ZZEF1: variants seen among roughly 807,000 people sequenced by gnomAD.
The protein encoded by ZZEF1 is zinc finger ZZ-type and EF-hand domain containing 1, also known as zinc finger ZZ-type and EF-hand domain-containing protein 1.
Under a neutral mutation model 342.8 loss-of-function variants are expected in ZZEF1, and 157 were observed. The ratio of observed to expected loss-of-function variants is 0.46; its 90% CI spans 0.40 to 0.52. The LOEUF is 0.52. Ranked by LOEUF, ZZEF1 falls within the 20% of genes least tolerant of loss-of-function variation. The pLI is 0.00. For synonymous variants in ZZEF1, 1,505 were observed against 1,429.1 expected (o/e 1.05, Z -1.20); for missense variants, 3,480 against 3,725.6 (o/e 0.93, Z 1.72).
chr17:4,082,349 G>T, intron 17 of ZZEF1, 88 bp downstream of exon 17: 2 of 1,291,740 alleles, frequency 1.5e-6, no homozygotes, highest in South Asian at 1.3e-5. Context: ...GTACTACTTC[G>T]AAGGCACATG....
At chr17:4,134,795 G>C (rs2145604959) in intron 1 of ZZEF1, among the ~76,000 whole-genome samples, 1 of 152,254 alleles carries the variant, frequency 6.6e-6, no homozygotes. Flanking sequence ...GGGATGAGAA[G>C]TCCGAGACAG....
chr17:4,007,162 T>C (rs1455243920), intron 54 of ZZEF1, among the ~76,000 whole-genome samples, 192 bp from the exon 55 acceptor site: 1 of 151,940 alleles, frequency 6.6e-6, no homozygotes, highest in Non-Finnish European at 1.5e-5. Flanking sequence ...AAGCTCCAAA[T>C]GTAGGTAGGA....
chr17:4,138,501 A>T (rs1277683622), intron 1 of ZZEF1, among the ~76,000 whole-genome samples: 2 of 152,184 alleles, frequency 1.3e-5, no homozygotes, highest in African/African-American at 4.8e-5. Flanking sequence ...ATGAGGTTTG[A>T]GTGTGTGTGG....
chr17:4,079,052 C>T (rs1372597096), intron 18 of ZZEF1, among the ~76,000 whole-genome samples: 1 of 152,202 alleles, frequency 6.6e-6, no homozygotes, highest in Admixed American at 6.5e-5. Context: ...AAAAGACACA[C>T]AACTGATCTC....
chr17:4,062,390 G>A (rs916438755), intron 30 of ZZEF1, among the ~76,000 whole-genome samples: 1 of 150,960 alleles, frequency 6.6e-6, no homozygotes. Context: ...TGCTCAAAAG[G>A]TATTTATTGA....
chr17:4,106,085 G>C (rs999399210), intron 6 of ZZEF1, among the ~76,000 whole-genome samples: 4 of 152,142 alleles, frequency 2.6e-5, no homozygotes, highest in African/African-American at 9.7e-5. Context: ...GAGTAGCTAG[G>C]ATTACAGGAG....
At chr17:4,093,475 G>A (rs917147023) in intron 11 of ZZEF1, among the ~76,000 whole-genome samples, 3 of 152,174 alleles carry the variant, frequency 2.0e-5, no homozygotes, top group Non-Finnish European at 4.4e-5. Flanking sequence ...GAGGCTGACC[G>A]AACCTTTGCC....
At position 4,114,358 on chromosome 17, in the gene ZZEF1, T is replaced by A. The variant is rs1316588412; in HGVS notation, c.807A>T (p.Thr269=). Reference sequence around the variant, plus strand: ...GCCAGTAGGATGAGGTTTCTCCATTTGTCATCTTGTCAATGTCTGCCGAGT... The same window carrying A: ...GCCAGTAGGATGAGGTTTCTCCATTAGTCATCTTGTCAATGTCTGCCGAGT... ...SSNSADIDKM[T]NGETSSYWQS... Residue 269 remains threonine (T), a synonymous_variant, in exon 4 of 55, where the codon ACA becomes ACT. Transcript: ENST00000381638. 1 of 1,612,492 alleles carries A rather than the reference T, an allele frequency of 6.2e-7. No homozygotes were observed. Among genetic ancestry groups the A allele is most frequent in the East Asian group, 2.2e-5 (1 of 44,796 alleles).
chr17:4,090,616 C>T (rs67533014), intron 12 of ZZEF1, 103 bp downstream of exon 12: 141,541 of 845,238 alleles, frequency 0.17, 12,455 homozygotes, highest in East Asian at 0.23. Context: ...AAGGTAGATT[C>T]GCCTCTGGGG....
chr17:4,088,970 C>T, intron 12 of ZZEF1, 77 bp from the exon 13 acceptor site: 1 of 1,390,446 alleles, frequency 7.2e-7, no homozygotes, highest in Admixed American at 2.0e-5. Context: ...AAAGGCCTTT[C>T]CGGGAAGGTC....
At chr17:4,125,321 C>A (rs1468093657) in intron 1 of ZZEF1, among the ~76,000 whole-genome samples, 1 of 152,176 alleles carries the variant, frequency 6.6e-6, no homozygotes, top group Non-Finnish European at 1.5e-5. Context: ...AACTCCTGCC[C>A]CTTGTTCTTA....
Position 4,074,203 on chromosome 17 carries a change from G to C in ZZEF1, c.3632C>G (p.Ser1211Cys). Residue 1211 changes from serine to cysteine, a missense_variant, in exon 24 of 55, where the codon TCC becomes TGC. This residue lies in a region of ZZEF1 where 1,528 missense variants were observed against 1,624.1 expected (regional missense o/e 0.94). Transcript: ENST00000381638. ...SWGLDLQLLV[S>C]RLMGRLASQC... is the part of the protein sequence containing the mutation. Reference sequence around the variant, plus strand: ...GGAAGCCAGGCGTCCCATCAGCCGGGAGACGAGGAGCTGTAAATCCAGCCC... The same window carrying C: ...GGAAGCCAGGCGTCCCATCAGCCGGCAGACGAGGAGCTGTAAATCCAGCCC... 3 of 1,614,096 alleles carry C rather than the reference G, an allele frequency of 1.9e-6. No individual in the cohort carries two copies. Among genetic ancestry groups the C allele is most frequent in the East Asian group, 4.5e-5 (2 of 44,890 alleles).
At chr17:4,036,618 G>GCTA (rs933384514) in intron 39 of ZZEF1, among the ~76,000 whole-genome samples, 1 of 151,798 alleles carries the variant, frequency 6.6e-6, no homozygotes, top group Non-Finnish European at 1.5e-5. Flanking sequence ...TGTAATCCCA[G>GCTA]CTACTAGGAA....
chr17:4,006,730 G>A lies in ZZEF1; in HGVS notation c.*160C>T, dbSNP rs1376983991. The A allele has an allele frequency of 6.8e-6, 5 of 734,038 alleles. No homozygotes were observed. Among genetic ancestry groups the A allele is most frequent in the Middle Eastern group, 3.5e-4 (1 of 2,854 alleles). The allele number at this position is 734,038 out of a possible 1,614,324, so 45.5% of individuals were successfully genotyped here. A position where few individuals can be genotyped will look rare whatever the true frequency, so the allele number is the denominator to read the frequency against. ...CTGTGCTTGTGTCCAGCCTACGCACGGGAGCTCTTGGAGACGTGGCTGCTT... is the reference window on the plus strand; with the variant it reads ...CTGTGCTTGTGTCCAGCCTACGCACAGGAGCTCTTGGAGACGTGGCTGCTT... On this transcript the variant is annotated 3_prime_UTR_variant, in exon 55 of 55. Transcript: ENST00000381638.
intron 5 of ZZEF1, among the ~76,000 whole-genome samples, chr17:4,112,314 T>C (rs1392645246): frequency 6.6e-6 from 1 of 151,124 alleles, no homozygotes; most frequent in Non-Finnish European, 1.5e-5. Context: ...CCTGGATAAT[T>C]TTTGTATTTT....
intron 13 of ZZEF1, 125 bp from the exon 14 acceptor site, chr17:4,087,659 T>A: frequency 1.3e-6 from 1 of 772,594 alleles, no homozygotes; most frequent in Non-Finnish European, 2.0e-6. Context: ...ACTTTCATAT[T>A]ACTGATGCTT....
At chr17:4,124,796 G>A (rs2058548283) in intron 1 of ZZEF1, among the ~76,000 whole-genome samples, 1 of 151,900 alleles carries the variant, frequency 6.6e-6, no homozygotes, top group African/African-American at 2.4e-5. Context: ...GAGCTAACTT[G>A]GTTTATCTGT....
At chr17:4,088,946 G>A (rs2057893449) in intron 12 of ZZEF1, 53 bp from the exon 13 acceptor site, 8 of 1,562,736 alleles carry the variant, frequency 5.1e-6, no homozygotes, top group Non-Finnish European at 7.0e-6. Context: ...CCTGAATATT[G>A]ATTAAAGAGG....
intron 6 of ZZEF1, 33 bp downstream of exon 6, chr17:4,109,620 T>G (rs766838715): frequency 6.2e-7 from 1 of 1,609,058 alleles, no homozygotes; most frequent in Admixed American, 1.7e-5. Flanking sequence ...GAGGGCATGT[T>G]GAGGGGGCTG....
Sources: allele counts gnomAD v4.1 joint callset (sites outside exome capture counted in the v4.1 genomes callset), GRCh38; gene constraint gnomAD v4.1.1; regional missense constraint gnomAD v4.1.1; transcripts MANE v1.5; gene names NCBI Gene and HGNC (gene_info 2026-07-23, HGNC 2026-07-21).